FAAH2: variants seen among roughly 807,000 people sequenced by gnomAD.
FAAH2 encodes the protein fatty acid amide hydrolase 2.
In FAAH2, 60 loss-of-function variants were observed where a neutral mutation model predicts 36.9. The observed-to-expected ratio is 1.63, with a 90% CI of 1.32 to 2.02. FAAH2 has a LOEUF of 2.02. Ranked by LOEUF, FAAH2 falls within the 30% of genes most tolerant of loss-of-function variation. The pLI is 0.00. For synonymous variants in FAAH2, 214 were observed against 143.8 expected (o/e 1.49, Z -3.49); for missense variants, 689 against 397.5 (o/e 1.73, Z -6.23).
the FAAH2 span, among the ~76,000 whole-genome samples, chrX:57,159,233 G>T: frequency 9.0e-6 from 1 of 111,692 alleles, no homozygotes; most frequent in African/African-American, 3.3e-5. Flanking sequence ...TGCTGTTTTG[G>T]TTACTGTAGC....
the FAAH2 span, among the ~76,000 whole-genome samples, chrX:57,270,334 TGAG>T: frequency 9.0e-6 from 1 of 111,479 alleles, no homozygotes; most frequent in Non-Finnish European, 1.9e-5. Flanking sequence ...TTTAAAAAAT[TGAG>T]GAGAATGGAC....
chrX:57,348,690 CA>C (rs1480208462), intron 5 of FAAH2, among the ~76,000 whole-genome samples: 1 of 111,411 alleles, frequency 9.0e-6, no homozygotes, highest in Non-Finnish European at 1.9e-5. Flanking sequence ...TCTTTACAAC[CA>C]AAAATACTAT....
At chrX:57,259,894 C>T in the FAAH2 span, among the ~76,000 whole-genome samples, 1 of 111,652 alleles carries the variant, frequency 9.0e-6, no homozygotes, top group Non-Finnish European at 1.9e-5. Context: ...TTCCTTTCTA[C>T]TGTTATTTGC....
the FAAH2 span, among the ~76,000 whole-genome samples, chrX:57,266,398 G>A: frequency 1.3e-4 from 15 of 111,968 alleles, no homozygotes; most frequent in South Asian, 2.3e-3. Context: ...CTACATGAGT[G>A]CCCATTCCCA....
intron 8 of FAAH2, among the ~76,000 whole-genome samples, chrX:57,439,724 T>A (rs982665790): frequency 3.6e-5 from 4 of 112,268 alleles, no homozygotes; most frequent in Non-Finnish European, 5.6e-5. Context: ...CTAGGGTTTT[T>A]ATGGTTTTAG....
At chrX:57,260,486 C>A in the FAAH2 span, among the ~76,000 whole-genome samples, 1 of 111,688 alleles carries the variant, frequency 9.0e-6, no homozygotes, top group Non-Finnish European at 1.9e-5. Flanking sequence ...TTTTTGGGAT[C>A]TTAGGTTTGG....
intron 7 of FAAH2, among the ~76,000 whole-genome samples, chrX:57,385,445 C>G (rs1013915829): frequency 9.0e-6 from 1 of 110,966 alleles, no homozygotes; most frequent in African/African-American, 3.3e-5. Context: ...CAGGAAAGTC[C>G]AAGATCAAGG....
At chrX:57,250,463 A>C in the FAAH2 span, among the ~76,000 whole-genome samples, 2 of 111,662 alleles carry the variant, frequency 1.8e-5, no homozygotes, top group East Asian at 5.6e-4. Context: ...TGTTTAAATA[A>C]CAATGTACTA....
rs754345982 is a variant in FAAH2 at position 57,341,291 on chromosome X, G to A, written c.643G>A (p.Ala215Thr). 4.1e-6 allele frequency: 5 copies of A among 1,208,280 alleles called. No individual in the cohort carries two copies. The highest frequency in any genetic ancestry group is 5.6e-6 in the Non-Finnish European group (5 of 893,572). ...GSSGGEGCTL[A>T]AACSVIGVGS... Reference sequence around the variant, plus strand: ...TGTAGGTGGTGAGGGCTGCACACTGGCAGCTGCCTGCTCAGTTATTGGTGT... The same window carrying A: ...TGTAGGTGGTGAGGGCTGCACACTGACAGCTGCCTGCTCAGTTATTGGTGT... Residue 215 changes from alanine (A) to threonine (T), a missense_variant, in exon 5 of 11, where the codon GCA becomes ACA. Physicochemically the swap from Ala to Thr is moderately conservative, Grantham distance 58. Coordinates refer to ENST00000374900, the MANE Select transcript of FAAH2 (RefSeq NM_174912.4).
At chrX:57,194,310 A>G in the FAAH2 span, among the ~76,000 whole-genome samples, 1 of 111,361 alleles carries the variant, frequency 9.0e-6, no homozygotes, top group Admixed American at 9.6e-5. Flanking sequence ...TTTATGGCAT[A>G]TAATTACTCA....
At chrX:57,242,394 C>CAAAAAGTA in the FAAH2 span, among the ~76,000 whole-genome samples, 1 of 112,186 alleles carries the variant, frequency 8.9e-6, no homozygotes, top group Non-Finnish European at 1.9e-5. Flanking sequence ...AACTAAAAAA[C>CAAAAAGTA]AAAAAGTAAT....
intron 5 of FAAH2, among the ~76,000 whole-genome samples, chrX:57,342,402 G>A (rs2053710787): frequency 9.0e-6 from 1 of 111,214 alleles, no homozygotes; most frequent in South Asian, 3.8e-4. Flanking sequence ...TTAGGATCAG[G>A]AAAAATAAAT....
At chrX:57,304,481 G>C (rs996811856) in intron 2 of FAAH2, among the ~76,000 whole-genome samples, 1 of 111,678 alleles carries the variant, frequency 9.0e-6, no homozygotes, top group Admixed American at 9.6e-5. Flanking sequence ...TCTTCTCATT[G>C]TCATAAGATG....
chrX:57,218,006 G>A, the FAAH2 span, among the ~76,000 whole-genome samples: 5 of 111,626 alleles, frequency 4.5e-5, no homozygotes, highest in African/African-American at 9.8e-5. Flanking sequence ...CTTGGTCACT[G>A]TTGGTGTACA....
chrX:57,145,731 T>G, the FAAH2 span, among the ~76,000 whole-genome samples: 1 of 112,322 alleles, frequency 8.9e-6, no homozygotes, highest in Non-Finnish European at 1.9e-5. Flanking sequence ...ACTTGATTTT[T>G]GTATAAAGTG....
At chrX:57,437,331 C>A (rs1280520938) in intron 8 of FAAH2, among the ~76,000 whole-genome samples, 2 of 110,610 alleles carry the variant, frequency 1.8e-5, no homozygotes, top group Non-Finnish European at 3.8e-5. Flanking sequence ...GACAAGGATG[C>A]CCACTTTCAC....
intron 10 of FAAH2, among the ~76,000 whole-genome samples, chrX:57,474,825 G>A (rs191519188): frequency 4.1e-4 from 46 of 111,843 alleles, no homozygotes; most frequent in Non-Finnish European, 8.3e-4. Flanking sequence ...AAGTGTAAAA[G>A]CATTTCTATT....
chrX:57,274,628 C>T, the FAAH2 span, among the ~76,000 whole-genome samples: 1 of 111,884 alleles, frequency 8.9e-6, no homozygotes. Flanking sequence ...CGCAATCCAT[C>T]ACAAAAACAG....
At chrX:57,438,433 T>G (rs749511381) in intron 8 of FAAH2, among the ~76,000 whole-genome samples, 1 of 107,503 alleles carries the variant, frequency 9.3e-6, no homozygotes, top group South Asian at 4.0e-4. Flanking sequence ...AAAGAAAAAG[T>G]AGATGACACA....
Sources: gnomAD v4.1 joint callset for allele counts (sites outside exome capture counted in the v4.1 genomes callset) on GRCh38, gnomAD v4.1.1 for gene constraint, MANE v1.5 for transcripts, NCBI Gene and HGNC (gene_info 2026-07-23, HGNC 2026-07-21) for gene names.